The following RARB variants were observed in gnomAD, a reference collection of about 807,000 sequenced individuals.
RARB encodes the protein HBV-activated protein.
Under a neutral mutation model 51.9 loss-of-function variants are expected in RARB, and 17 were observed. That is an observed-to-expected ratio of 0.33 (90% CI 0.22 to 0.49). The LOEUF (loss-of-function observed/expected upper bound fraction) is 0.49, where lower values mean the gene tolerates loss of function less well. Among genes scored for constraint, RARB ranks in the 20% least tolerant of loss-of-function variants. The pLI is 0.99. For synonymous variants in RARB, 215 were observed against 195.4 expected, an observed-to-expected ratio of 1.10 and a Z score of -0.84; for missense variants, 369 against 550.8, an observed-to-expected ratio of 0.67 and a Z score of 3.30.
intron 3 of RARB, among the ~76,000 whole-genome samples, chr3:25,085,652 A>T (rs1559461043): frequency 6.6e-6 from 1 of 152,116 alleles, no homozygotes; most frequent in African/African-American, 2.4e-5. Flanking sequence ...TATAAATCAG[A>T]TTTTTTAGTC....
chr3:25,355,222 T>G (rs1320903392), intron 5 of RARB, among the ~76,000 whole-genome samples: 1 of 152,090 alleles, frequency 6.6e-6, no homozygotes, highest in Non-Finnish European at 1.5e-5. Context: ...TGTGGGGACA[T>G]CCTGTCAGAA....
At chr3:24,893,850 C>A (rs1408699819) in intron 2 of RARB, among the ~76,000 whole-genome samples, 1 of 152,110 alleles carries the variant, frequency 6.6e-6, no homozygotes, top group East Asian at 1.9e-4. Flanking sequence ...TGGATGTAAT[C>A]ATGTGCATTT....
chr3:24,974,593 T>A (rs1696470807), intron 2 of RARB, among the ~76,000 whole-genome samples: 1 of 152,158 alleles, frequency 6.6e-6, no homozygotes, highest in Non-Finnish European at 1.5e-5. Context: ...ATCTCTTAAA[T>A]AATGGTATTC....
At chr3:25,218,848 C>T (rs554094484) in intron 5 of RARB, among the ~76,000 whole-genome samples, 29 of 152,282 alleles carry the variant, frequency 1.9e-4, no homozygotes, top group African/African-American at 7.0e-4. Context: ...TAACACTCGA[C>T]TTTGCTTACT....
chr3:25,125,634 G>A (rs528342315), intron 3 of RARB, among the ~76,000 whole-genome samples: 13 of 152,126 alleles, frequency 8.5e-5, no homozygotes, highest in African/African-American at 3.1e-4. Flanking sequence ...TCTGACAGTG[G>A]GATTAAATCT....
At chr3:24,987,497 A>T (rs1696818935) in intron 2 of RARB, among the ~76,000 whole-genome samples, 4 of 152,254 alleles carry the variant, frequency 2.6e-5, no homozygotes, top group Admixed American at 2.0e-4. Flanking sequence ...TTAGAGAAAG[A>T]AAGAGATGGA....
chr3:25,460,301 G>A (rs563280487), intron 1 of RARB, among the ~76,000 whole-genome samples: 11 of 152,000 alleles, frequency 7.2e-5, no homozygotes, highest in Non-Finnish European at 1.2e-4. Flanking sequence ...GAGTAGCAAG[G>A]ATCTTACCCA....
intron 3 of RARB, among the ~76,000 whole-genome samples, chr3:25,063,672 A>C (rs1320023206): frequency 1.3e-5 from 2 of 151,562 alleles, no homozygotes; most frequent in African/African-American, 4.8e-5. Context: ...TAAAATCTTG[A>C]GGTTCAAAGG....
chr3:24,867,160 C>T (rs2125346463), intron 2 of RARB, among the ~76,000 whole-genome samples: 1 of 152,260 alleles, frequency 6.6e-6, no homozygotes, highest in East Asian at 1.9e-4. Flanking sequence ...TTTATGTCTA[C>T]ACCTTAGCAG....
At chr3:25,052,883 C>T (rs960450303) in intron 2 of RARB, among the ~76,000 whole-genome samples, 3 of 145,314 alleles carry the variant, frequency 2.1e-5, no homozygotes, top group African/African-American at 7.7e-5. Flanking sequence ...GTAAAAAAGT[C>T]ATAGAAAAAA....
intron 3 of RARB, among the ~76,000 whole-genome samples, chr3:25,540,728 T>TGA (rs1175735153): frequency 2.0e-5 from 3 of 151,750 alleles, no homozygotes; most frequent in African/African-American, 7.3e-5. Flanking sequence ...GGAGGAGGAG[T>TGA]GAGAGAGAGA....
chr3:25,453,287 G>C (rs139811912), intron 1 of RARB, among the ~76,000 whole-genome samples: 51 of 123,456 alleles, frequency 4.1e-4, no homozygotes, highest in East Asian at 2.2e-3. Context: ...CGCTCTTGCT[G>C]TGCAGGCTGG....
intron 2 of RARB, among the ~76,000 whole-genome samples, chr3:24,860,544 AAAAC>A (rs1300719093): frequency 6.6e-6 from 1 of 152,184 alleles, no homozygotes; most frequent in Non-Finnish European, 1.5e-5. Context: ...TCAAGTATAG[AAAAC>A]AAACAAACCC....
intron 3 of RARB, among the ~76,000 whole-genome samples, chr3:25,090,647 A>G (rs1055788280): frequency 1.8e-4 from 28 of 152,248 alleles, no homozygotes; most frequent in African/African-American, 6.7e-4. Context: ...AATATAGACA[A>G]TGAATCTCTT....
chr3:25,413,356 C>A (rs1171114949), intron 5 of RARB, among the ~76,000 whole-genome samples: 1 of 152,148 alleles, frequency 6.6e-6, no homozygotes, highest in African/African-American at 2.4e-5. Flanking sequence ...GAATATATCA[C>A]ATTTTTTATC....
chr3:25,476,035 G>C (rs1228488155), intron 2 of RARB, among the ~76,000 whole-genome samples: 1 of 152,188 alleles, frequency 6.6e-6, no homozygotes, highest in Admixed American at 6.5e-5. Flanking sequence ...CCTCCATTTA[G>C]AAAATCACTG....
intron 2 of RARB, among the ~76,000 whole-genome samples, chr3:25,027,337 T>G (rs1484404201): frequency 6.6e-6 from 1 of 152,184 alleles, no homozygotes; most frequent in Non-Finnish European, 1.5e-5. Flanking sequence ...ATTCCTATCC[T>G]GGTTGTACCC....
chr3:25,019,933 A>G (rs1697593140), intron 2 of RARB, among the ~76,000 whole-genome samples: 1 of 151,752 alleles, frequency 6.6e-6, no homozygotes. Flanking sequence ...CAACTTTCAT[A>G]CTCTTAACCC....
chr3:25,429,029 G>C (rs1708095448), intron 1 of RARB, 141 bp downstream of exon 1: 4 of 1,108,320 alleles, frequency 3.6e-6, no homozygotes, highest in Non-Finnish European at 3.7e-6. Context: ...TGATATGCTG[G>C]CATGCATATT....
Sources: gnomAD v4.1 joint callset for allele counts (sites outside exome capture counted in the v4.1 genomes callset) on GRCh38, gnomAD v4.1.1 for gene constraint, MANE v1.5 for transcripts, NCBI Gene and HGNC (gene_info 2026-07-23, HGNC 2026-07-21) for gene names.